Variants in FBXL20 observed in about 807,000 individuals in gnomAD.
FBXL20 encodes F-box and leucine rich repeat protein 20, also known as F-box/LRR-repeat protein 20.
A neutral mutation model predicts 64.0 loss-of-function variants in FBXL20; 11 were observed. That is an observed-to-expected ratio of 0.17 (90% CI 0.11 to 0.28). The LOEUF (loss-of-function observed/expected upper bound fraction) is 0.28. FBXL20 is among the 10% of genes least tolerant of loss of function. FBXL20 has a pLI of 1.00. For synonymous variants in FBXL20, 184 were observed against 189.0 expected (o/e 0.97, Z 0.22); for missense variants, 303 against 526.2 (o/e 0.58, Z 4.15).
At chr17:39,301,652 T>A (rs2047136284) in intron 3 of FBXL20, among the ~76,000 whole-genome samples, 1 of 151,978 alleles carries the variant, frequency 6.6e-6, no homozygotes, top group African/African-American at 2.4e-5. Flanking sequence ...CACTTGAACC[T>A]GGGAGGCGGA....
At chr17:39,401,807 C>T, upstream of FBXL20, 1 of 787,174 alleles carries the variant, frequency 1.3e-6, no homozygotes, top group Non-Finnish European at 1.6e-6. Context: ...TGACGGCGCT[C>T]CCGGGAGCAG....
intron 1 of FBXL20, among the ~76,000 whole-genome samples, chr17:39,390,920 G>A (rs903106285): frequency 5.3e-5 from 8 of 151,890 alleles, no homozygotes; most frequent in African/African-American, 1.7e-4. Flanking sequence ...GGTGGCAGGC[G>A]CCTGTAATCC....
chr17:39,402,195 A>T, upstream of FBXL20: 1 of 1,232,524 alleles, frequency 8.1e-7, no homozygotes, highest in Non-Finnish European at 1.0e-6. Context: ...CCCAAAGTGC[A>T]GCAGGCGGTC....
intron 1 of FBXL20, among the ~76,000 whole-genome samples, chr17:39,374,553 T>A (rs1224583442): frequency 1.3e-5 from 2 of 151,658 alleles, no homozygotes; most frequent in Non-Finnish European, 2.9e-5. Context: ...AAAAAAAAAA[T>A]TGCTAGATTA....
chr17:39,365,581 T>G (rs1281087361), intron 1 of FBXL20, among the ~76,000 whole-genome samples: 1 of 152,226 alleles, frequency 6.6e-6, no homozygotes. Flanking sequence ...TATGCTGACT[T>G]CTGTTTCATT....
At position 39,264,244 on chromosome 17, in the gene FBXL20, A is replaced by G; in HGVS notation, c.1134T>C (p.Cys378=). ...TDASLEHLKS[C]HSLERIELYD... ...AGAGTTCTATCCGCTCAAGGCTATG[A>G]CAGCTCTTCAAGTGCTCCAGGGATG... The change falls in exon 14 of 15, where the codon TGT becomes TGC. Residue 378 remains cysteine, a synonymous_variant. Coordinates refer to ENST00000264658, the MANE Select transcript of FBXL20 (RefSeq NM_032875.3). 6.2e-6 allele frequency: 10 copies of G among 1,614,218 alleles called. No individual in the cohort carries two copies. Among genetic ancestry groups the G allele is most frequent in the Non-Finnish European group, 8.5e-6 (10 of 1,180,038 alleles).
intron 2 of FBXL20, among the ~76,000 whole-genome samples, chr17:39,312,345 TG>T (rs1381428392): frequency 6.6e-6 from 1 of 150,482 alleles, no homozygotes; most frequent in Non-Finnish European, 1.5e-5. Flanking sequence ...ACCCAGGTGA[TG>T]GAGGTTGCAG....
At chr17:39,402,259 CGGCT>C (rs1432311560), upstream of FBXL20, 15 of 1,075,020 alleles carry the variant, frequency 1.4e-5, no homozygotes, top group African/African-American at 5.7e-4. Context: ...TGGGGCAGTG[CGGCT>C]GCCGCCGCGC....
intron 1 of FBXL20, among the ~76,000 whole-genome samples, chr17:39,364,397 G>C (rs570201314): frequency 6.6e-6 from 1 of 152,270 alleles, no homozygotes; most frequent in Admixed American, 6.5e-5. Flanking sequence ...TGGATTGCTT[G>C]AGGCCAGGAT....
rs755772553 is a variant in FBXL20, at chr17:39,370,490, C to CA, written c.43-27250dup. Among the ~76,000 whole-genome samples, 70 of 85,404 alleles carry CA rather than the reference C, an allele frequency of 8.2e-4. No individual in the cohort carries two copies. The Middle Eastern group carries it at 0.045, about 55-fold the overall frequency. 56.0% of individuals were successfully genotyped at this position (85,404 alleles called of 152,430 possible). The stretch of plus-strand genomic sequence containing the variant: ...GAGTGGACAGAGTGAGACACCATCT[C>CA]AAAAAAAAAAAGAAGGCCGGGCGCG... On this transcript the variant is annotated intron_variant, in intron 1 of 14. Transcript: ENST00000264658.
chr17:39,315,221 A>G (rs1451780864), intron 2 of FBXL20, among the ~76,000 whole-genome samples: 1 of 151,794 alleles, frequency 6.6e-6, no homozygotes. Context: ...TTGATTACAG[A>G]CATCCTAGGG....
At chr17:39,396,813 C>T (rs1357981579) in intron 1 of FBXL20, among the ~76,000 whole-genome samples, 1 of 150,600 alleles carries the variant, frequency 6.6e-6, no homozygotes, top group Non-Finnish European at 1.5e-5. Flanking sequence ...AAAAATTAGC[C>T]GGGCATGGCA....
chr17:39,342,923 GAATAA>G (rs987007102), intron 2 of FBXL20, among the ~76,000 whole-genome samples: 1 of 151,954 alleles, frequency 6.6e-6, no homozygotes, highest in African/African-American at 2.4e-5. Flanking sequence ...GTATATACAA[GAATAA>G]AGAAAAGGGA....
chr17:39,317,676 TGTTTTTTTTTTTGTTTTTTTTTTTG>T (rs2047307281), intron 2 of FBXL20, among the ~76,000 whole-genome samples: 4 of 115,436 alleles, frequency 3.5e-5, no homozygotes, highest in Middle Eastern at 4.3e-3. Context: ...AGTTTGACTT[TGTTTTTTTTTTTGTTTTTTTTTTTG>T]TTTTTTTTTT....
chr17:39,349,733 G>A (rs1484418967), intron 1 of FBXL20, among the ~76,000 whole-genome samples: 1 of 151,996 alleles, frequency 6.6e-6, no homozygotes, highest in Non-Finnish European at 1.5e-5. Flanking sequence ...TCAGGAGATC[G>A]AGACCATCCT....
intron 1 of FBXL20, among the ~76,000 whole-genome samples, chr17:39,345,949 C>G (rs2047629090): frequency 6.6e-6 from 1 of 152,090 alleles, no homozygotes; most frequent in African/African-American, 2.4e-5. Flanking sequence ...GTGCACAGAG[C>G]CTGCTACATG....
Position 39,401,502 on chromosome 17 carries a change from G to A in FBXL20, c.-100C>T, listed in dbSNP as rs1218938988. On this transcript the variant is annotated 5_prime_UTR_variant, in exon 1 of 15. Coordinates refer to ENST00000264658, the MANE Select transcript of FBXL20 (RefSeq NM_032875.3). Reference sequence around the variant, plus strand: ...GGGAGTTCCGGGACGGGGACTGGGCGCCGGAGGGGTGACGCCGGGACCGTG... The same window carrying A: ...GGGAGTTCCGGGACGGGGACTGGGCACCGGAGGGGTGACGCCGGGACCGTG... 1.3e-5 allele frequency: 19 copies of A among 1,498,866 alleles called. No homozygotes were observed. The highest frequency in any genetic ancestry group is 1.7e-5 in the Non-Finnish European group (19 of 1,131,210). The allele number at this position is 1,498,866 out of a possible 1,614,324, so 92.8% of individuals were successfully genotyped here. A position where few individuals can be genotyped will look rare whatever the true frequency, so the allele number is the denominator to read the frequency against.
intron 11 of FBXL20, 81 bp from the exon 12 acceptor site, chr17:39,268,952 AG>A: frequency 8.3e-7 from 1 of 1,203,682 alleles, no homozygotes; most frequent in East Asian, 2.3e-5. Flanking sequence ...GAAAACTAAG[AG>A]GTAATATTAA....
intron 2 of FBXL20, among the ~76,000 whole-genome samples, chr17:39,340,585 G>A (rs1188059756): frequency 6.6e-6 from 1 of 152,138 alleles, no homozygotes; most frequent in Non-Finnish European, 1.5e-5. Context: ...TTATTGAGAT[G>A]TAAGATGTTA....
Sources: allele counts gnomAD v4.1 joint callset (sites outside exome capture counted in the v4.1 genomes callset), GRCh38; gene constraint gnomAD v4.1.1; transcripts MANE v1.5; gene names NCBI Gene and HGNC (gene_info 2026-07-23, HGNC 2026-07-21).